Variants in CTNNA3 observed in about 807,000 individuals in gnomAD.
CTNNA3 encodes catenin alpha-3.
A neutral mutation model predicts 95.7 loss-of-function variants in CTNNA3; 76 were observed. The ratio of observed to expected loss-of-function variants is 0.79; its 90% CI spans 0.66 to 0.96. The LOEUF (loss-of-function observed/expected upper bound fraction) is 0.96, where lower values mean the gene tolerates loss of function less well. CTNNA3 is among the 40% of genes least tolerant of loss of function. The pLI is 0.00. For synonymous variants in CTNNA3, 431 were observed against 374.4 expected (o/e 1.15, Z -1.74); for missense variants, 1,191 against 1,089.8 (o/e 1.09, Z -1.31).
At chr10:66,039,180 G>A (rs780521315) in intron 15 of CTNNA3, among the ~76,000 whole-genome samples, 1 of 152,060 alleles carries the variant, frequency 6.6e-6, no homozygotes, top group African/African-American at 2.4e-5. Flanking sequence ...TAGGAATACA[G>A]GCAGCCAGGG....
intron 9 of CTNNA3, among the ~76,000 whole-genome samples, chr10:66,761,607 TTA>T (rs1839601990): frequency 6.6e-6 from 1 of 152,120 alleles, no homozygotes; most frequent in Non-Finnish European, 1.5e-5. Context: ...AAAATTGATT[TTA>T]GAGAAATATT....
chr10:66,810,549 C>T lies in CTNNA3; in HGVS notation c.1048-35025G>A, dbSNP rs181749490. 1.8e-3 allele frequency among the ~76,000 whole-genome samples: 268 copies of T among 152,302 alleles called. 1 individual carries two copies. The highest frequency in any genetic ancestry group is 6.2e-3 in the African/African-American group (259 of 41,572). ...CTCAATATCTCTATCTCTTTGCCCA[C>T]AGATTTCTTATTGGGTTTGTGGTTT... On this transcript the variant is annotated intron_variant, in intron 7 of 17. Transcript: ENST00000433211.
intron 2 of CTNNA3, among the ~76,000 whole-genome samples, chr10:67,618,460 T>G (rs1400211808): frequency 6.6e-6 from 1 of 152,208 alleles, no homozygotes; most frequent in Non-Finnish European, 1.5e-5. Context: ...CATTTGTGTT[T>G]GCTTTACCAA....
intron 13 of CTNNA3, among the ~76,000 whole-genome samples, chr10:66,109,487 C>T (rs571212260): frequency 2.3e-4 from 35 of 152,110 alleles, no homozygotes; most frequent in Non-Finnish European, 2.5e-4. Context: ...CAGACATTAC[C>T]GAATATCCCC....
At chr10:67,445,341 A>G (rs1257126733) in intron 5 of CTNNA3, among the ~76,000 whole-genome samples, 2 of 152,136 alleles carry the variant, frequency 1.3e-5, no homozygotes, top group African/African-American at 4.8e-5. Context: ...AATATTATTG[A>G]ATATAAATGA....
At chr10:66,859,116 A>G (rs933675901) in intron 7 of CTNNA3, among the ~76,000 whole-genome samples, 2 of 152,126 alleles carry the variant, frequency 1.3e-5, no homozygotes, top group African/African-American at 4.8e-5. Context: ...ATTCAAATGT[A>G]TAATAGGGAA....
chr10:67,059,827 A>G (rs1036729364), intron 7 of CTNNA3, among the ~76,000 whole-genome samples: 6 of 152,196 alleles, frequency 3.9e-5, no homozygotes, highest in African/African-American at 9.6e-5. Flanking sequence ...GTATATTTGC[A>G]TATATAATAG....
intron 5 of CTNNA3, among the ~76,000 whole-genome samples, chr10:67,385,035 C>G (rs1159389130): frequency 6.6e-6 from 1 of 151,042 alleles, no homozygotes; most frequent in Non-Finnish European, 1.5e-5. Context: ...GGTTATTTTA[C>G]ATGCTACTTT....
chr10:66,139,793 A>G lies in CTNNA3; in HGVS notation c.1885-36544T>C, dbSNP rs144842807. Reference sequence around the variant, plus strand: ...AGGCAGACAGGCCTGTAGTTTGTACATAGAAATCCAGCCTCAGTCATCCTG... The same window carrying G: ...AGGCAGACAGGCCTGTAGTTTGTACGTAGAAATCCAGCCTCAGTCATCCTG... On this transcript the variant is annotated intron_variant, in intron 13 of 17. Coordinates refer to ENST00000433211, the MANE Select transcript of CTNNA3 (RefSeq NM_013266.4). Among the ~76,000 whole-genome samples, 31 of 152,306 alleles carry G rather than the reference A, an allele frequency of 2.0e-4. 2 individuals are homozygous for G. The East Asian group carries it at 6.0e-3, about 29-fold the overall frequency.
chr10:67,156,865 C>T (rs1029513754), intron 7 of CTNNA3, among the ~76,000 whole-genome samples: 1 of 150,562 alleles, frequency 6.6e-6, no homozygotes, highest in Admixed American at 6.7e-5. Flanking sequence ...GTATGTTCTA[C>T]TCATACTGAA....
chr10:67,582,545 G>T (rs1400764674), intron 3 of CTNNA3, among the ~76,000 whole-genome samples: 1 of 152,196 alleles, frequency 6.6e-6, no homozygotes, highest in Non-Finnish European at 1.5e-5. Context: ...GTTGGTTTGG[G>T]GTGGAGAGCT....
Position 66,871,232 on chromosome 10 carries a change from A to G in CTNNA3, c.1048-95708T>C, listed in dbSNP as rs773128426. Among the ~76,000 whole-genome samples, 9 of 152,150 alleles carry G rather than the reference A, an allele frequency of 5.9e-5. 1 individual carries two copies. The highest frequency in any genetic ancestry group is 1.2e-4 in the Non-Finnish European group (8 of 68,018). ...AGGAGAGCATCATCAGGTAATTTGT[A>G]TTCTCTGATTTAAGCTATCACTCTG... On this transcript the variant is annotated intron_variant, in intron 7 of 17. Coordinates refer to ENST00000433211, the MANE Select transcript of CTNNA3 (RefSeq NM_013266.4).
At chr10:66,630,656 C>A (rs1426398680) in intron 9 of CTNNA3, among the ~76,000 whole-genome samples, 4 of 152,102 alleles carry the variant, frequency 2.6e-5, no homozygotes, top group African/African-American at 9.7e-5. Flanking sequence ...CTGATAATTG[C>A]AGAAAGAGCT....
At chr10:65,956,607 C>T (rs967355589) in intron 17 of CTNNA3, among the ~76,000 whole-genome samples, 1 of 152,162 alleles carries the variant, frequency 6.6e-6, no homozygotes, top group Non-Finnish European at 1.5e-5. Context: ...TCATTGGTTT[C>T]AAAGAACATC....
chr10:66,818,964 C>T (rs1365496454), intron 7 of CTNNA3, among the ~76,000 whole-genome samples: 1 of 151,870 alleles, frequency 6.6e-6, no homozygotes, highest in East Asian at 1.9e-4. Context: ...GTAGTGCGTG[C>T]CTGTAATCCC....
intron 7 of CTNNA3, among the ~76,000 whole-genome samples, chr10:66,940,460 C>T (rs1355093371): frequency 6.6e-6 from 1 of 152,130 alleles, no homozygotes; most frequent in African/African-American, 2.4e-5. Context: ...AGCAACAGAG[C>T]AAGATCATGT....
rs549156206 is a variant in CTNNA3, at chr10:66,385,470, G to C, written c.1532-6118C>G. ...ATTAATAGGCTACTAACCAAAAAAA[G>C]TCCAGGACCAGAAGGATTCACAGCC... On this transcript the variant is annotated intron_variant, in intron 11 of 17. Coordinates refer to ENST00000433211, the MANE Select transcript of CTNNA3 (RefSeq NM_013266.4). 2.7e-3 allele frequency among the ~76,000 whole-genome samples: 408 copies of C among 152,172 alleles called. 3 individuals are homozygous for C. The highest frequency in any genetic ancestry group is 9.2e-3 in the African/African-American group (383 of 41,512).
chr10:67,380,934 G>T (rs989897131), intron 5 of CTNNA3, among the ~76,000 whole-genome samples: 1 of 152,112 alleles, frequency 6.6e-6, no homozygotes, highest in African/African-American at 2.4e-5. Context: ...ATAATACCAA[G>T]AATTAGAATC....
At chr10:66,615,753 T>C (rs1341540742) in intron 10 of CTNNA3, among the ~76,000 whole-genome samples, 1 of 151,982 alleles carries the variant, frequency 6.6e-6, no homozygotes, top group Non-Finnish European at 1.5e-5. Flanking sequence ...CTTTCATAGA[T>C]CCAGGTTTGA....
Sources: allele counts gnomAD v4.1 joint callset (sites outside exome capture counted in the v4.1 genomes callset), GRCh38; gene constraint gnomAD v4.1.1; transcripts MANE v1.5; gene names NCBI Gene and HGNC (gene_info 2026-07-23, HGNC 2026-07-21).